The following VAT1L variants were observed in gnomAD, a reference collection of about 807,000 sequenced individuals.
VAT1L encodes the protein putative NADPH-dependent quinone oxidoreductase VAT1L.
VAT1L carries 34 observed loss-of-function variants against 44.1 expected under a neutral mutation model. The ratio of observed to expected loss-of-function variants is 0.77; its 90% CI spans 0.59 to 1.03. VAT1L has a LOEUF of 1.03. Ranked by LOEUF, VAT1L falls within the 50% of genes least tolerant of loss-of-function variation. VAT1L has a pLI of 0.00. For synonymous variants in VAT1L, 253 were observed against 202.2 expected, an observed-to-expected ratio of 1.25 and a Z score of -2.13; for missense variants, 615 against 538.8, an observed-to-expected ratio of 1.14 and a Z score of -1.40.
chr16:77,867,487 T>G (rs2016987071), intron 4 of VAT1L, among the ~76,000 whole-genome samples: 1 of 152,114 alleles, frequency 6.6e-6, no homozygotes, highest in South Asian at 2.1e-4. Context: ...CATTCATTCA[T>G]GTAGAGATGC....
At chr16:77,921,329 G>A (rs2017609341) in intron 7 of VAT1L, among the ~76,000 whole-genome samples, 1 of 152,158 alleles carries the variant, frequency 6.6e-6, no homozygotes, top group Non-Finnish European at 1.5e-5. Context: ...TTTGCACTGA[G>A]ACGTGTTGCA....
At chr16:77,963,134 G>A (rs2018181640) in intron 7 of VAT1L, among the ~76,000 whole-genome samples, 1 of 152,118 alleles carries the variant, frequency 6.6e-6, no homozygotes, top group African/African-American at 2.4e-5. Flanking sequence ...CTATTAGGTG[G>A]GTGAGAACCT....
chr16:77,911,633 C>G (rs180833672), intron 7 of VAT1L, among the ~76,000 whole-genome samples: 27 of 152,272 alleles, frequency 1.8e-4, no homozygotes, highest in African/African-American at 6.3e-4. Flanking sequence ...AAATGTGCCA[C>G]CAGATTGCAC....
chr16:77,862,449 T>A (rs1378741809), intron 3 of VAT1L, among the ~76,000 whole-genome samples: 1 of 151,770 alleles, frequency 6.6e-6, no homozygotes, highest in East Asian at 1.9e-4. Context: ...ACCCCATCTC[T>A]ACGAAAAATA....
chr16:77,939,955 C>G (rs901725286), intron 7 of VAT1L, among the ~76,000 whole-genome samples: 8 of 152,130 alleles, frequency 5.3e-5, no homozygotes, highest in Admixed American at 1.3e-4. Context: ...GTTTCTATCA[C>G]TCTTCTTTAA....
At chr16:77,945,866 G>C (rs1390998234) in intron 7 of VAT1L, among the ~76,000 whole-genome samples, 1 of 149,960 alleles carries the variant, frequency 6.7e-6, no homozygotes, top group Non-Finnish European at 1.5e-5. Flanking sequence ...GCAGTGGCAC[G>C]ATCTCAGCTC....
intron 3 of VAT1L, among the ~76,000 whole-genome samples, chr16:77,855,621 T>G (rs1597068765): frequency 6.6e-6 from 1 of 152,230 alleles, no homozygotes; most frequent in East Asian, 1.9e-4. Flanking sequence ...TTTATTTATT[T>G]TATTAATGTC....
intron 7 of VAT1L, among the ~76,000 whole-genome samples, chr16:77,905,095 G>A (rs954452638): frequency 6.6e-6 from 1 of 152,194 alleles, no homozygotes; most frequent in Non-Finnish European, 1.5e-5. Flanking sequence ...TCTGACTAAT[G>A]TGGTTATGAA....
chr16:77,893,574 G>A (rs555720106), intron 7 of VAT1L, among the ~76,000 whole-genome samples: 7 of 152,166 alleles, frequency 4.6e-5, no homozygotes, highest in East Asian at 1.9e-4. Flanking sequence ...TTACTACTAC[G>A]ACTGCTACTA....
intron 4 of VAT1L, among the ~76,000 whole-genome samples, chr16:77,874,495 A>G (rs1172036384): frequency 6.6e-6 from 1 of 151,832 alleles, no homozygotes; most frequent in African/African-American, 2.4e-5. Context: ...TTGTTTTCAT[A>G]CTCCAGCCAC....
intron 7 of VAT1L, among the ~76,000 whole-genome samples, chr16:77,971,085 C>G (rs375146611): frequency 6.6e-6 from 1 of 151,950 alleles, no homozygotes. Flanking sequence ...TGGGCCTGTA[C>G]CAAGCACCAA....
intron 1 of VAT1L, among the ~76,000 whole-genome samples, chr16:77,792,453 GA>G (rs914123749): frequency 4.6e-5 from 7 of 152,124 alleles, no homozygotes; most frequent in Non-Finnish European, 1.0e-4. Context: ...GGGAGCAAGG[GA>G]AGCAGGCTAG....
chr16:77,920,574 T>A (rs894269463), intron 7 of VAT1L, among the ~76,000 whole-genome samples: 2 of 152,236 alleles, frequency 1.3e-5, no homozygotes, highest in African/African-American at 4.8e-5. Flanking sequence ...ATATAATATA[T>A]AAATGTGTGT....
chr16:77,893,461 T>A (rs556314770), intron 7 of VAT1L, among the ~76,000 whole-genome samples: 1 of 152,324 alleles, frequency 6.6e-6, no homozygotes, highest in African/African-American at 2.4e-5. Flanking sequence ...GTTGATGAGC[T>A]TAGATGTGAG....
At chr16:77,977,338 T>G (rs1305597460) in intron 8 of VAT1L, among the ~76,000 whole-genome samples, 1 of 152,212 alleles carries the variant, frequency 6.6e-6, no homozygotes, top group Admixed American at 6.5e-5. Context: ...TTCCCCTTTT[T>G]GGTCTCATTT....
intron 7 of VAT1L, among the ~76,000 whole-genome samples, chr16:77,924,191 A>G (rs1165197300): frequency 2.6e-5 from 4 of 151,916 alleles, no homozygotes; most frequent in Non-Finnish European, 5.9e-5. Context: ...TGGTCTTTGA[A>G]AGTCTGAAAC....
At chr16:77,930,251 C>CT (rs2142501519) in intron 7 of VAT1L, among the ~76,000 whole-genome samples, 1 of 152,302 alleles carries the variant, frequency 6.6e-6, no homozygotes, top group South Asian at 2.1e-4. Context: ...CCTGTATTGT[C>CT]TGTCTTTCCT....
At chr16:77,794,110 A>C (rs1175942533) in intron 1 of VAT1L, among the ~76,000 whole-genome samples, 1 of 152,216 alleles carries the variant, frequency 6.6e-6, no homozygotes, top group East Asian at 1.9e-4. Flanking sequence ...AGACAGACAC[A>C]GTGACAAAGA....
chr16:77,831,595 G>A (rs57447269), intron 3 of VAT1L, among the ~76,000 whole-genome samples: 1,911 of 152,174 alleles, frequency 0.013, 41 homozygotes, highest in African/African-American at 0.044. Flanking sequence ...ATACCTGACC[G>A]GTACTCCTCA....
Sources: allele counts gnomAD v4.1 joint callset (sites outside exome capture counted in the v4.1 genomes callset), GRCh38; gene constraint gnomAD v4.1.1; transcripts MANE v1.5; gene names NCBI Gene and HGNC (gene_info 2026-07-23, HGNC 2026-07-21).